The following DPH6 variants were observed in gnomAD, a reference collection of about 807,000 sequenced individuals.
DPH6 encodes diphthamine biosynthesis 6.
A neutral mutation model predicts 38.2 loss-of-function variants in DPH6; 33 were observed. The observed-to-expected ratio is 0.86, with a 90% CI of 0.65 to 1.15. The LOEUF is 1.15. DPH6 is among the 50% of genes most tolerant of loss of function. The pLI is 0.00. For missense variants in DPH6, 325 were observed against 320.0 expected (o/e 1.02, Z -0.12); for synonymous variants, 108 against 103.0 (o/e 1.05, Z -0.30).
chr15:35,294,895 C>T (rs558041207), intron 3 of DPH6, among the ~76,000 whole-genome samples: 13 of 152,180 alleles, frequency 8.5e-5, no homozygotes, highest in Non-Finnish European at 1.5e-4. Flanking sequence ...GCTAGTTAGT[C>T]GGGAACAGGA....
intron 3 of DPH6, among the ~76,000 whole-genome samples, chr15:35,233,926 T>G (rs575275970): frequency 4.1e-4 from 63 of 152,374 alleles, no homozygotes; most frequent in African/African-American, 1.3e-3. Flanking sequence ...TCTGCTTCCC[T>G]GACTTTAAAT....
intron 5 of DPH6, among the ~76,000 whole-genome samples, chr15:35,427,081 C>A (rs890365468): frequency 6.6e-6 from 1 of 151,352 alleles, no homozygotes; most frequent in Non-Finnish European, 1.5e-5. Flanking sequence ...GTAGGACTAA[C>A]GGCTGAGTTT....
chr15:35,542,798 A>G (rs1176573769), intron 1 of DPH6, among the ~76,000 whole-genome samples: 1 of 149,066 alleles, frequency 6.7e-6, no homozygotes. Context: ...TGATTTGCAA[A>G]TAGAAAATGA....
intron 3 of DPH6, among the ~76,000 whole-genome samples, chr15:35,277,277 T>C (rs555717631): frequency 2.6e-5 from 4 of 152,234 alleles, no homozygotes; most frequent in African/African-American, 7.2e-5. Flanking sequence ...TAATTTTGTA[T>C]GTGGAAACTT....
intron 3 of DPH6, among the ~76,000 whole-genome samples, chr15:35,461,338 G>T (rs551195911): frequency 6.6e-6 from 1 of 152,174 alleles, no homozygotes; most frequent in Non-Finnish European, 1.5e-5. Flanking sequence ...CTCCCAAAGT[G>T]CTGGGATTAC....
intron 3 of DPH6, chr15:35,237,269 G>C: frequency 6.8e-7 from 1 of 1,474,568 alleles, no homozygotes; most frequent in Non-Finnish European, 9.5e-7. Flanking sequence ...TAAAACGCGC[G>C]GCCGTGTTAT....
chr15:35,515,180 G>A (rs1330949720), intron 3 of DPH6, among the ~76,000 whole-genome samples: 1 of 150,578 alleles, frequency 6.6e-6, no homozygotes, highest in African/African-American at 2.4e-5. Context: ...AACTTACACA[G>A]CATGTGTAAA....
chr15:35,202,786 T>G, the DPH6 span, among the ~76,000 whole-genome samples: 39 of 151,892 alleles, frequency 2.6e-4, no homozygotes, highest in African/African-American at 9.1e-4. Flanking sequence ...CAGTGACAGG[T>G]CAGTTTTTGT....
chr15:35,180,721 C>G, the DPH6 span, among the ~76,000 whole-genome samples: 5 of 152,102 alleles, frequency 3.3e-5, no homozygotes, highest in South Asian at 2.1e-4. Context: ...CTCCTGGACT[C>G]AAGAGATCCT....
chr15:35,194,925 T>C, the DPH6 span, among the ~76,000 whole-genome samples: 1 of 152,368 alleles, frequency 6.6e-6, no homozygotes, highest in Non-Finnish European at 1.5e-5. Context: ...CTAGGAGCAT[T>C]TGAATTATTT....
the DPH6 span, among the ~76,000 whole-genome samples, chr15:35,165,195 C>T: frequency 3.3e-5 from 5 of 151,830 alleles, no homozygotes; most frequent in Non-Finnish European, 7.4e-5. Context: ...TTATTACACA[C>T]CCTCTATTTA....
At position 35,334,843 on chromosome 15, in the gene DPH6, T is replaced by A. The variant is rs369246318; in HGVS notation, n.208-3766A>T. Among the ~76,000 whole-genome samples the A allele has an allele frequency of 1.4e-4, 22 of 152,294 alleles. 4 individuals carry two copies. Among genetic ancestry groups the A allele is most frequent in the East Asian group, 7.7e-4 (4 of 5,184 alleles). On this transcript the variant is annotated intron_variant and non_coding_transcript_variant, in intron 3 of 3. Transcript: ENST00000558973. ...TTAAGCTGATTCCATGTCTTTGCTATTGTGAATTGTGCTGCAATGAACCTA... is the reference window on the plus strand; with the variant it reads ...TTAAGCTGATTCCATGTCTTTGCTAATGTGAATTGTGCTGCAATGAACCTA...
At chr15:35,477,665 T>C (rs1250216567) in intron 3 of DPH6, among the ~76,000 whole-genome samples, 2 of 151,918 alleles carry the variant, frequency 1.3e-5, no homozygotes, top group African/African-American at 4.8e-5. Flanking sequence ...TAAACATGCA[T>C]AGTGATTCAT....
At position 35,335,421 on chromosome 15, in the gene DPH6, C is replaced by A. The variant is rs908426557; in HGVS notation, n.208-4344G>T. 4.6e-5 allele frequency among the ~76,000 whole-genome samples: 7 copies of A among 151,762 alleles called. No individual in the cohort carries two copies. In the South Asian group the frequency reaches 1.5e-3, roughly 32 times the overall value. On this transcript the variant is annotated intron_variant and non_coding_transcript_variant, in intron 3 of 3. Transcript: ENST00000558973. ...CTATGCTCTTTAGTTTAATTAGATCCCATTTGTCAATTTTTGCTTTTGTTA... is the reference window on the plus strand; with the variant it reads ...CTATGCTCTTTAGTTTAATTAGATCACATTTGTCAATTTTTGCTTTTGTTA...
At chr15:35,401,530 G>A in intron 6 of DPH6, 1 of 772,096 alleles carries the variant, frequency 1.3e-6, no homozygotes, top group South Asian at 1.3e-5. Context: ...TAACAATGGA[G>A]GCAGAGGTGG....
chr15:35,251,805 C>T (rs1448321870), intron 3 of DPH6, among the ~76,000 whole-genome samples: 2 of 152,206 alleles, frequency 1.3e-5, no homozygotes, highest in Admixed American at 6.5e-5. Flanking sequence ...GCACTGGCCT[C>T]GCTCATTCAA....
At chr15:35,183,106 C>T in the DPH6 span, among the ~76,000 whole-genome samples, 1 of 152,308 alleles carries the variant, frequency 6.6e-6, no homozygotes, top group South Asian at 2.1e-4. Flanking sequence ...TTTAATCTCC[C>T]TTGCTGATAC....
At chr15:35,395,429 T>C (rs979343780) in intron 6 of DPH6, among the ~76,000 whole-genome samples, 1 of 152,216 alleles carries the variant, frequency 6.6e-6, no homozygotes, top group Non-Finnish European at 1.5e-5. Context: ...GAATTTTATT[T>C]CTTACCCCAA....
chr15:35,170,085 T>C, the DPH6 span, among the ~76,000 whole-genome samples: 1 of 152,218 alleles, frequency 6.6e-6, no homozygotes, highest in Admixed American at 6.5e-5. Flanking sequence ...AAAGGAATAG[T>C]ACATCAAATT....
Sources: gnomAD v4.1 joint callset for allele counts (sites outside exome capture counted in the v4.1 genomes callset) on GRCh38, gnomAD v4.1.1 for gene constraint, MANE v1.5 for transcripts, NCBI Gene and HGNC (gene_info 2026-07-23, HGNC 2026-07-21) for gene names.